TRA2A: variants seen among roughly 807,000 people sequenced by gnomAD.
TRA2A encodes transformer 2 alpha homolog, also known as transformer-2 protein homolog alpha.
In TRA2A, 31 loss-of-function variants were observed where a neutral mutation model predicts 45.7. The observed-to-expected ratio is 0.68, with a 90% CI of 0.51 to 0.92. The LOEUF (loss-of-function observed/expected upper bound fraction) is 0.92. Ranked by LOEUF, TRA2A falls within the 40% of genes least tolerant of loss-of-function variation. The probability of loss-of-function intolerance (pLI) is 0.00; values close to 1 mark genes in which losing one functional copy is unlikely to be tolerated. For missense variants in TRA2A, 304 were observed against 367.5 expected (o/e 0.83, Z 1.41); for synonymous variants, 132 against 126.2 (o/e 1.05, Z -0.31).
chr7:23,515,766 G>A (rs570748550), intron 3 of TRA2A, among the ~76,000 whole-genome samples: 10 of 145,598 alleles, frequency 6.9e-5, no homozygotes, highest in South Asian at 2.2e-4. Flanking sequence ...GGCTGGTCTC[G>A]AACTCCTGAC....
chr7:23,528,865 C>T (rs187010276), intron 1 of TRA2A, among the ~76,000 whole-genome samples: 11 of 152,140 alleles, frequency 7.2e-5, no homozygotes, highest in Non-Finnish European at 1.3e-4. Context: ...TCCAGCTACT[C>T]AAGAAGCCAG....
At position 23,516,457 on chromosome 7, in the gene TRA2A, C is replaced by A. The variant is rs747099328; in HGVS notation, c.242G>T (p.Arg81Leu). The change falls in exon 3 of 8, where the codon CGA (arginine) becomes CTA (leucine). Residue 81 changes from arginine to leucine, a missense_variant. Around this residue, in one of 3 missense-constraint regions of TRA2A, gnomAD observed 132 missense variants for 113.4 expected, o/e 1.16. Transcript: ENST00000297071. Reference protein sequence around the residue: ...SRSHSHSHRRRSRSRSYTPEY... With the variant: ...SRSHSHSHRRLSRSRSYTPEY... The stretch of plus-strand genomic sequence containing the variant: ...TGGTGTATATGATCTACTTCGAGAT[C>A]GTCTCCTATGAGAGTGAGAGTGGGA... 1 of 1,614,214 alleles carries A rather than the reference C, an allele frequency of 6.2e-7. No individual in the cohort carries two copies. Among genetic ancestry groups the A allele is most frequent in the East Asian group, 2.2e-5 (1 of 44,888 alleles).
chr7:23,512,773 TA>T (rs201252500), intron 4 of TRA2A, 120 bp downstream of exon 4: 148,977 of 666,364 alleles, frequency 0.22, 369 homozygotes, highest in East Asian at 0.27. Flanking sequence ...ATCCTATCTT[TA>T]AAAAAAAAAA....
intron 2 of TRA2A, among the ~76,000 whole-genome samples, chr7:23,520,000 G>A (rs1790060187): frequency 6.6e-6 from 1 of 152,236 alleles, no homozygotes; most frequent in South Asian, 2.1e-4. Context: ...GGCCGAGGTG[G>A]GCGGATCACC....
chr7:23,528,673 CT>C (rs943208013), intron 1 of TRA2A, among the ~76,000 whole-genome samples: 32 of 143,842 alleles, frequency 2.2e-4, no homozygotes, highest in East Asian at 4.1e-4. Flanking sequence ...ATTTGTTTGC[CT>C]TTTTTTTTTT....
chr7:23,512,551 C>T (rs964094279), intron 4 of TRA2A, among the ~76,000 whole-genome samples: 19 of 152,018 alleles, frequency 1.2e-4, no homozygotes, highest in African/African-American at 3.6e-4. Context: ...CTCTGCCTCC[C>T]GGGTTCGCGC....
At chr7:23,509,317 A>G (rs1177882968) in intron 4 of TRA2A, among the ~76,000 whole-genome samples, 1 of 152,184 alleles carries the variant, frequency 6.6e-6, no homozygotes, top group Non-Finnish European at 1.5e-5. Context: ...TCTTACTAAA[A>G]CAGGGTGAGG....
Position 23,517,503 on chromosome 7 carries a change from A to AAAAAAAAAAAAAAAAAAAAAAAAAAAAAG in TRA2A, c.171-976_171-975insCTTTTTTTTTTTTTTTTTTTTTTTTTTTT, listed in dbSNP as rs764849438. Among the ~76,000 whole-genome samples the AAAAAAAAAAAAAAAAAAAAAAAAAAAAAG allele has an allele frequency of 6.9e-5, 8 of 116,252 alleles. 2 individuals are homozygous for AAAAAAAAAAAAAAAAAAAAAAAAAAAAAG. The highest frequency in any genetic ancestry group is 3.3e-4 in the East Asian group (1 of 2,990). 76.3% of individuals were successfully genotyped at this position (116,252 alleles called of 152,430 possible). A position where few individuals can be genotyped will look rare whatever the true frequency, so the allele number is the denominator to read the frequency against. On this transcript the variant is annotated intron_variant, in intron 2 of 7. Transcript: ENST00000297071. The stretch of plus-strand genomic sequence containing the variant: ...AAAAAAAAAAAAAAAAAAAAAAAAA[A>AAAAAAAAAAAAAAAAAAAAAAAAAAAAAG]AGAGAGAAAGAAAGAAAAATCACTT...
intron 4 of TRA2A, among the ~76,000 whole-genome samples, chr7:23,510,457 G>A (rs1265020642): frequency 1.3e-5 from 2 of 152,024 alleles, no homozygotes; most frequent in East Asian, 1.9e-4. Flanking sequence ...AGCCTCCCGA[G>A]TAGCTTGGGG....
chr7:23,526,590 T>C (rs911828184), intron 1 of TRA2A, among the ~76,000 whole-genome samples: 4 of 152,130 alleles, frequency 2.6e-5, no homozygotes, highest in South Asian at 4.1e-4. Flanking sequence ...CCTCAGCCTA[T>C]AGAAAGAACA....
rs1296107143 is a variant in TRA2A at position 23,531,919 on chromosome 7, GAA to G, written c.-97_-96del. ...CCGCTGACTGGACCGTGGGGAAGAG[GAA>G]AGAGTCGGCAACCACAGCCGCTCCA... On this transcript the variant is annotated 5_prime_UTR_variant, in exon 1 of 8. Coordinates refer to ENST00000297071, the MANE Select transcript of TRA2A (RefSeq NM_013293.5). The G allele has an allele frequency of 5.6e-6, 8 of 1,420,712 alleles. No homozygotes were observed. Among genetic ancestry groups the G allele is most frequent in the African/African-American group, 2.8e-5 (2 of 71,102 alleles). 88.0% of individuals were successfully genotyped at this position (1,420,712 alleles called of 1,614,324 possible). A position where few individuals can be genotyped will look rare whatever the true frequency, so the allele number is the denominator to read the frequency against.
At position 23,521,709 on chromosome 7, in the gene TRA2A, G is replaced by C; in HGVS notation, c.168C>G (p.Ser56=). 3 of 1,613,984 alleles carry C rather than the reference G, an allele frequency of 1.9e-6. No homozygotes were observed. Among genetic ancestry groups the C allele is most frequent in the Non-Finnish European group, 2.5e-6 (3 of 1,179,950 alleles). ...AGTATTATCTTAAACACACTTACCTGGATTTTGATCTTGATCGAGAATGGG... is the reference window on the plus strand; with the variant it reads ...AGTATTATCTTAAACACACTTACCTCGATTTTGATCTTGATCGAGAATGGG... The part of the protein sequence containing the change: ...SESHSRSRSK[S]RSRSRRHSHR... The change falls in exon 2 of 8, where the codon TCC becomes TCG. Residue 56 remains serine (S), a splice_region_variant and synonymous_variant. Coordinates refer to ENST00000297071, the MANE Select transcript of TRA2A (RefSeq NM_013293.5).
In TRA2A at chr7:23,523,602, T is replaced by C. The variant is rs569311412; in HGVS notation, c.37-1762A>G. Among the ~76,000 whole-genome samples the C allele has an allele frequency of 4.9e-4, 75 of 152,350 alleles. 3 individuals carry two copies. In the East Asian group the frequency reaches 0.011, roughly 23 times the overall value. ...GAACTGTACAAATGCCACCTGGTCA[T>C]TTTCTTTCAGATAAAAACAAAACTG... On this transcript the variant is annotated intron_variant, in intron 1 of 7. Coordinates refer to ENST00000297071, the MANE Select transcript of TRA2A (RefSeq NM_013293.5).
At chr7:23,529,996 GAAAA>G (rs766306713) in intron 1 of TRA2A, among the ~76,000 whole-genome samples, 138 of 151,012 alleles carry the variant, frequency 9.1e-4, no homozygotes, top group Middle Eastern at 6.8e-3. Context: ...ATTAAAAAAA[GAAAA>G]AAAGCAAGCA....
intron 1 of TRA2A, among the ~76,000 whole-genome samples, chr7:23,523,715 A>T (rs1790228964): frequency 6.6e-6 from 1 of 152,142 alleles, no homozygotes. Flanking sequence ...ACTCTAAACC[A>T]CTCAACAGAT....
At chr7:23,511,791 T>C (rs1301038764) in intron 4 of TRA2A, among the ~76,000 whole-genome samples, 1 of 152,170 alleles carries the variant, frequency 6.6e-6, no homozygotes, top group Admixed American at 6.5e-5. Context: ...TTTCAAGTCA[T>C]TGACATTGAT....
intron 2 of TRA2A, among the ~76,000 whole-genome samples, chr7:23,517,819 C>G (rs62468820): frequency 0.11 from 16,819 of 151,390 alleles, 1,007 homozygotes; most frequent in Middle Eastern, 0.15. Context: ...GGCTGAGGCA[C>G]GAGAATCACT....
intron 4 of TRA2A, among the ~76,000 whole-genome samples, chr7:23,511,396 A>AAAAAAAAAAAAAAAAAAAAAAAAAAAG: frequency 3.2e-5 from 1 of 31,036 alleles, no homozygotes; most frequent in Non-Finnish European, 7.2e-5. Context: ...AAAAAAAAAA[A>AAAAAAAAAAAAAAAAAAAAAAAAAAAG]AAAAAAAAAA....
At position 23,505,706 on chromosome 7, in the gene TRA2A, A is replaced by C. The variant is rs757621877; in HGVS notation, c.838+40T>G. 43 of 1,358,924 alleles carry C rather than the reference A, an allele frequency of 3.2e-5. 1 individual carries two copies. Among genetic ancestry groups the C allele is most frequent in the East Asian group, 2.4e-4 (10 of 42,022 alleles). 84.2% of individuals were successfully genotyped at this position (1,358,924 alleles called of 1,614,324 possible). A position where few individuals can be genotyped will look rare whatever the true frequency, so the allele number is the denominator to read the frequency against. The stretch of plus-strand genomic sequence containing the variant: ...TATTCTAAAGTAAGCCATTAATTAG[A>C]AATGAGGTTTTTTATGCTACAAAAG... On this transcript the variant is annotated intron_variant, in intron 7 of 7. Coordinates refer to ENST00000297071, the MANE Select transcript of TRA2A (RefSeq NM_013293.5).
Sources: gnomAD v4.1 joint callset for allele counts (sites outside exome capture counted in the v4.1 genomes callset) on GRCh38, gnomAD v4.1.1 for gene constraint, gnomAD v4.1.1 regional missense constraint, MANE v1.5 for transcripts, NCBI Gene and HGNC (gene_info 2026-07-23, HGNC 2026-07-21) for gene names.